Variants in WDR70 observed in about 807,000 individuals in gnomAD.
WDR70 encodes the protein WD repeat domain 70.
WDR70 carries 53 observed loss-of-function variants against 88.6 expected under a neutral mutation model. The observed-to-expected ratio is 0.60, with a 90% confidence interval of 0.48 to 0.75. The LOEUF is 0.75. WDR70 is among the 30% of genes least tolerant of loss of function. The pLI is 0.00. For missense variants in WDR70, 610 were observed against 823.2 expected, an observed-to-expected ratio of 0.74 and a Z score of 3.17; for synonymous variants, 280 against 270.0, an observed-to-expected ratio of 1.04 and a Z score of -0.36.
At chr5:37,551,850 C>A (rs1742158175) in intron 9 of WDR70, among the ~76,000 whole-genome samples, 1 of 131,332 alleles carries the variant, frequency 7.6e-6, no homozygotes, top group South Asian at 2.7e-4. Flanking sequence ...TCGCTCACTG[C>A]AAACTCTGCC....
At chr5:37,557,959 T>TTTGAAAACTCGTCAA in intron 9 of WDR70, among the ~76,000 whole-genome samples, 1 of 146,506 alleles carries the variant, frequency 6.8e-6, no homozygotes, top group East Asian at 2.0e-4. Context: ...AAAAGAGTAT[T>TTTGAAAACTCGTCAA]ATGTATATTT....
intron 10 of WDR70, among the ~76,000 whole-genome samples, chr5:37,615,066 G>A (rs1320340199): frequency 6.6e-6 from 1 of 151,822 alleles, no homozygotes; most frequent in Admixed American, 6.6e-5. Context: ...TGTGATTGAG[G>A]GATAAGGGAA....
chr5:37,529,176 C>T (rs1741404597), intron 9 of WDR70, among the ~76,000 whole-genome samples: 1 of 152,020 alleles, frequency 6.6e-6, no homozygotes, highest in Non-Finnish European at 1.5e-5. Flanking sequence ...GTTCCACGGT[C>T]TTTGTGCCTA....
chr5:37,448,987 A>G (rs1202532467), intron 7 of WDR70, among the ~76,000 whole-genome samples: 2 of 152,186 alleles, frequency 1.3e-5, no homozygotes, highest in East Asian at 1.9e-4. Flanking sequence ...TTATTACATC[A>G]TATCGGGGTA....
Position 37,546,558 on chromosome 5 carries a change from GA to G in WDR70, c.917+29973del, listed in dbSNP as rs1233977884. 4.6e-5 allele frequency among the ~76,000 whole-genome samples: 7 copies of G among 152,090 alleles called. No homozygotes were observed. In the East Asian group the frequency reaches 1.3e-3, roughly 29 times the overall value. Reference sequence around the variant, plus strand: ...TTCTTTTTTATCCTGAAATCAATATGAAAAATAGTTAATATTATCATTAGTA... The same window carrying G: ...TTCTTTTTTATCCTGAAATCAATATGAAAATAGTTAATATTATCATTAGTA... On this transcript the variant is annotated intron_variant, in intron 9 of 17. Transcript: ENST00000265107.
At chr5:37,704,642 G>A (rs1021107025) in intron 13 of WDR70, among the ~76,000 whole-genome samples, 1 of 152,112 alleles carries the variant, frequency 6.6e-6, no homozygotes, top group Non-Finnish European at 1.5e-5. Flanking sequence ...CACACAGGGC[G>A]GAAACTTTTT....
intron 10 of WDR70, among the ~76,000 whole-genome samples, chr5:37,653,199 A>G (rs1308855608): frequency 6.6e-6 from 1 of 152,116 alleles, no homozygotes; most frequent in Non-Finnish European, 1.5e-5. Flanking sequence ...TGAGATAATC[A>G]TGTGTTTTTT....
chr5:37,421,091 C>G (rs140799295), intron 5 of WDR70, among the ~76,000 whole-genome samples: 1 of 152,154 alleles, frequency 6.6e-6, no homozygotes, highest in South Asian at 2.1e-4. Flanking sequence ...CATCCCCTTT[C>G]GACAGGTGAG....
At chr5:37,539,879 C>T (rs541214979) in intron 9 of WDR70, among the ~76,000 whole-genome samples, 1 of 152,288 alleles carries the variant, frequency 6.6e-6, no homozygotes, top group South Asian at 2.1e-4. Context: ...TATGTTTGTC[C>T]TGAAGTCCCA....
intron 17 of WDR70, among the ~76,000 whole-genome samples, chr5:37,735,567 G>A (rs1007298228): frequency 5.9e-5 from 9 of 151,988 alleles, no homozygotes; most frequent in Non-Finnish European, 7.4e-5. Context: ...ACCCAATTTC[G>A]TCACCTTGCA....
chr5:37,449,404 C>T (rs1374647717), intron 7 of WDR70, among the ~76,000 whole-genome samples: 1 of 151,896 alleles, frequency 6.6e-6, no homozygotes, highest in Non-Finnish European at 1.5e-5. Flanking sequence ...CCAGCCTGGC[C>T]AACATGGTGA....
intron 7 of WDR70, among the ~76,000 whole-genome samples, chr5:37,446,849 C>A (rs1229695435): frequency 6.6e-6 from 1 of 152,154 alleles, no homozygotes; most frequent in Admixed American, 6.6e-5. Flanking sequence ...AGAAGAAAAC[C>A]TAAGCAATAC....
chr5:37,569,154 G>A (rs958578577), intron 9 of WDR70, among the ~76,000 whole-genome samples: 2 of 152,164 alleles, frequency 1.3e-5, no homozygotes, highest in African/African-American at 4.8e-5. Context: ...AGAATTATGA[G>A]AAAGCATAGC....
At chr5:37,722,439 T>A (rs1046297236) in intron 14 of WDR70, 24 of 196,158 alleles carry the variant, frequency 1.2e-4, no homozygotes, top group Non-Finnish European at 2.3e-4. Context: ...ACTCTTGTAT[T>A]TGAAAAGTGG....
chr5:37,694,871 G>A (rs1746936491), intron 10 of WDR70, among the ~76,000 whole-genome samples: 1 of 143,936 alleles, frequency 6.9e-6, no homozygotes, highest in Non-Finnish European at 1.5e-5. Context: ...AATAAAGCAA[G>A]TTTAGTCATG....
chr5:37,628,889 A>G (rs969399733), intron 10 of WDR70, among the ~76,000 whole-genome samples: 3 of 152,028 alleles, frequency 2.0e-5, no homozygotes, highest in Non-Finnish European at 4.4e-5. Flanking sequence ...ACATGTTTTC[A>G]TGATGGTAGC....
intron 8 of WDR70, among the ~76,000 whole-genome samples, chr5:37,489,690 C>A (rs1387171527): frequency 6.6e-6 from 1 of 151,868 alleles, no homozygotes; most frequent in Non-Finnish European, 1.5e-5. Context: ...GCACAGCAAT[C>A]CTAGGCTATA....
intron 13 of WDR70, among the ~76,000 whole-genome samples, chr5:37,708,944 G>C (rs1747435002): frequency 6.6e-6 from 1 of 152,216 alleles, no homozygotes; most frequent in Non-Finnish European, 1.5e-5. Context: ...ACTGGGAATA[G>C]AGTAATTATC....
intron 17 of WDR70, among the ~76,000 whole-genome samples, chr5:37,742,846 C>T (rs888627752): frequency 5.9e-5 from 9 of 152,168 alleles, no homozygotes; most frequent in African/African-American, 2.2e-4. Flanking sequence ...TATTCCCCTA[C>T]CTGACCAACA....
Sources: allele counts gnomAD v4.1 joint callset (sites outside exome capture counted in the v4.1 genomes callset), GRCh38; gene constraint gnomAD v4.1.1; transcripts MANE v1.5; gene names NCBI Gene and HGNC (gene_info 2026-07-23, HGNC 2026-07-21).